Variants in STK36 observed in about 807,000 individuals in gnomAD.
The protein encoded by STK36 is serine/threonine-protein kinase 36.
In STK36, 116 loss-of-function variants were observed where a neutral mutation model predicts 142.2. That is an observed-to-expected ratio of 0.82 (90% CI 0.70 to 0.95). The LOEUF (loss-of-function observed/expected upper bound fraction) is 0.95. STK36 is among the 40% of genes least tolerant of loss of function. The pLI is 0.00. For missense variants in STK36, 1,422 were observed against 1,617.2 expected, an observed-to-expected ratio of 0.88 and a Z score of 2.07; for synonymous variants, 619 against 641.7, an observed-to-expected ratio of 0.96 and a Z score of 0.53.
In STK36 at chr2:218,680,625, T is replaced by C; in HGVS notation, c.1159T>C (p.Cys387Arg). 1.2e-6 allele frequency: 2 copies of C among 1,613,470 alleles called. No homozygotes were observed. Among genetic ancestry groups the C allele is most frequent in the Non-Finnish European group, 1.7e-6 (2 of 1,179,844 alleles). Reference protein sequence around the residue: ...APRENRTTPDCERAFPEERPE... With the variant: ...APRENRTTPDRERAFPEERPE... ...CAGGGAAAACCGGACCACCCCAGAT[T>C]GTGAACGAGCATTCCCAGAGGAGAG... The change falls in exon 10 of 27, where the codon TGT becomes CGT. Residue 387 changes from cysteine to arginine, a missense_variant. By Grantham distance (180) the Cys-to-Arg change is radical (BLOSUM62 -3). Around this residue, in one of 2 missense-constraint regions of STK36, gnomAD observed 962 missense variants for 1,167.5 expected, o/e 0.82. Transcript: ENST00000295709.
intron 5 of STK36, 135 bp from the exon 6 acceptor site, chr2:218,675,894 A>G (rs1575121083): frequency 9.0e-7 from 1 of 1,109,016 alleles, no homozygotes. Context: ...AGAGGCTGGG[A>G]CTGCTGCTGG....
rs953839669 is a variant in STK36 at position 218,672,743 on chromosome 2, G to T, written c.-87G>T. ...TTCCTTTCCCGTGCCCCAACTAGGCGTCCCAGATGTTGTGGAACTGTCCCT... is the reference window on the plus strand; with the variant it reads ...TTCCTTTCCCGTGCCCCAACTAGGCTTCCCAGATGTTGTGGAACTGTCCCT... On this transcript the variant is annotated splice_region_variant and 5_prime_UTR_variant, in exon 2 of 27. Coordinates refer to ENST00000295709, the MANE Select transcript of STK36 (RefSeq NM_015690.5). 2 of 1,347,118 alleles carry T rather than the reference G, an allele frequency of 1.5e-6. No homozygotes were observed. Among genetic ancestry groups the T allele is most frequent in the African/African-American group, 2.9e-5 (2 of 68,806 alleles). 83.4% of individuals were successfully genotyped at this position (1,347,118 alleles called of 1,614,324 possible).
intron 6 of STK36, among the ~76,000 whole-genome samples, chr2:218,676,809 C>T (rs756213821): frequency 2.0e-5 from 3 of 151,268 alleles, no homozygotes; most frequent in African/African-American, 4.9e-5. Flanking sequence ...CCACGACACC[C>T]GGCTAATTTT....
chr2:218,675,363 G>A lies in STK36; in HGVS notation c.324G>A (p.Gln108=). Residue 108 remains glutamine (Q), a synonymous_variant, in exon 5 of 27, where the codon CAG becomes CAA. Transcript: ENST00000295709. The part of the protein sequence containing the change: ...PEDQVQAIAA[Q]LVSALYYLHS... ...TCTAGGTTCAGGCCATTGCTGCCCA[G>A]TTGGTGTCAGCCCTGTACTATCTGC... The A allele has an allele frequency of 6.2e-7, 1 of 1,612,510 alleles. No homozygotes were observed. The highest frequency in any genetic ancestry group is 8.5e-7 in the Non-Finnish European group (1 of 1,179,448).
Position 218,697,565 on chromosome 2 carries a change from T to C in STK36, c.2864T>C (p.Leu955Pro). The change falls in exon 24 of 27, where the codon CTG becomes CCG. Residue 955 changes from leucine (L) to proline (P), a missense_variant. Transcript: ENST00000295709. ...CATGGAAGTATCCTCATGTCCATCC[T>C]GAAGCATCTGCTTTGCCCCAGCTTC... ...SQHGSILMSI[L>P]KHLLCPSFLN... is the part of the protein sequence containing the mutation. The C allele has an allele frequency of 6.2e-7, 1 of 1,614,262 alleles. No individual in the cohort carries two copies. Among genetic ancestry groups the C allele is most frequent in the Non-Finnish European group, 8.5e-7 (1 of 1,180,050 alleles).
At chr2:218,680,425 G>A (rs1940463795) in intron 9 of STK36, among the ~76,000 whole-genome samples, 178 bp from the exon 10 acceptor site, 1 of 152,232 alleles carries the variant, frequency 6.6e-6, no homozygotes, top group African/African-American at 2.4e-5. Context: ...GGATATTTGT[G>A]TAGTCGTCAA....
chr2:218,696,180 A>T (rs1941228186), intron 21 of STK36, among the ~76,000 whole-genome samples: 1 of 152,176 alleles, frequency 6.6e-6, no homozygotes, highest in Non-Finnish European at 1.5e-5. Flanking sequence ...ATAATTTATA[A>T]AACATTTTCA....
Position 218,698,800 on chromosome 2 carries a change from G to T in STK36, c.3256G>T (p.Ala1086Ser), listed in dbSNP as rs1231721643. 1 of 1,614,120 alleles carries T rather than the reference G, an allele frequency of 6.2e-7. No homozygotes were observed. Among genetic ancestry groups the T allele is most frequent in the Non-Finnish European group, 8.5e-7 (1 of 1,180,022 alleles). Reference sequence around the variant, plus strand: ...GACCTCCGACCTTCTCTCTCTGCTGGCCCATACTGCCAGGGTCCTGTCTCC... The same window carrying T: ...GACCTCCGACCTTCTCTCTCTGCTGTCCCATACTGCCAGGGTCCTGTCTCC... ...LLTSDLLSLL[A>S]HTARVLSPSH... is the part of the protein sequence containing the mutation. Residue 1086 changes from alanine (A) to serine (S), a missense_variant, in exon 26 of 27, where the codon GCC becomes TCC. Physicochemically the swap from Ala to Ser is moderately conservative, Grantham distance 99. This residue lies in a region of STK36 where 962 missense variants were observed against 1,167.5 expected (regional missense o/e 0.82). Transcript: ENST00000295709.
Position 218,685,168 on chromosome 2 carries a change from GC to G in STK36, c.1321del (p.Leu441CysfsTer22), listed in dbSNP as rs1223538418. On this transcript the variant is annotated frameshift_variant, in exon 11 of 27. Transcript: ENST00000295709. LOFTEE classifies it high-confidence loss of function. Reference protein sequence around the residue: ...PIQLKAPLTLLCNPDFCQRIQ... With the variant: ...PIQLKAPLTLXCNPDFCQRIQ... ...TTCAACTGAAGGCTCCTCTCACCTT[GC>G]TGTGTAATCCTGACTTCTGCCAGCG... 5.0e-6 allele frequency: 8 copies of G among 1,614,186 alleles called. No homozygotes were observed. The South Asian group carries it at 8.8e-5, about 18-fold the overall frequency.
intron 10 of STK36, among the ~76,000 whole-genome samples, chr2:218,684,542 T>A (rs1341236071): frequency 1.4e-5 from 2 of 144,110 alleles, no homozygotes; most frequent in Non-Finnish European, 3.0e-5. Context: ...TGTGTCAGCC[T>A]CCTGAGTAGC....
Position 218,690,443 on chromosome 2 carries a change from C to G in STK36, c.1659-7C>G. On this transcript the variant is annotated splice_polypyrimidine_tract_variant and splice_region_variant and intron_variant, in intron 13 of 26. Transcript: ENST00000295709. ...TAAGAAATCATGGGCTCATTTTCCA[C>G]CCCCAGCCTGCAGGTGTTTCAGGAG... The G allele has an allele frequency of 6.2e-7, 1 of 1,612,722 alleles. No homozygotes were observed. Among genetic ancestry groups the G allele is most frequent in the Non-Finnish European group, 8.5e-7 (1 of 1,178,790 alleles).
rs142993429 is a variant in STK36 at position 218,684,745 on chromosome 2, C to T, written c.1237-340C>T. 79 of 182,708 alleles carry T rather than the reference C, an allele frequency of 4.3e-4. 1 individual carries two copies. Among genetic ancestry groups the T allele is most frequent in the Middle Eastern group, 4.7e-3 (2 of 430 alleles). The allele number at this position is 182,708 out of a possible 1,614,324, so 11.3% of individuals were successfully genotyped here. A position where few individuals can be genotyped will look rare whatever the true frequency, so the allele number is the denominator to read the frequency against. On this transcript the variant is annotated intron_variant, in intron 10 of 26. Transcript: ENST00000295709. Reference sequence around the variant, plus strand: ...TTCACAATCTTTTTAATAACCTCATCGTATTTTCTAATATGGATGGACCCT... The same window carrying T: ...TTCACAATCTTTTTAATAACCTCATTGTATTTTCTAATATGGATGGACCCT...
Position 218,680,601 on chromosome 2 carries a change from A to G in STK36, c.1137-2A>G, listed in dbSNP as rs1445205694. On this transcript the variant is annotated splice_acceptor_variant, in intron 9 of 26. Coordinates refer to ENST00000295709, the MANE Select transcript of STK36 (RefSeq NM_015690.5). LOFTEE classifies it high-confidence loss of function. ...GTTCTACCCCTTGGCTTCCTCCGGC[A>G]GGGAAAACCGGACCACCCCAGATTG... The G allele has an allele frequency of 1.2e-6, 2 of 1,612,228 alleles. No individual in the cohort carries two copies. The highest frequency in any genetic ancestry group is 1.7e-6 in the Non-Finnish European group (2 of 1,179,384).
At chr2:218,691,704 C>T (rs985751192) in intron 14 of STK36, among the ~76,000 whole-genome samples, 2 of 152,094 alleles carry the variant, frequency 1.3e-5, no homozygotes, top group Non-Finnish European at 2.9e-5. Context: ...TATGGGTGCA[C>T]ACCACCAGAC....
At chr2:218,700,372 T>C (rs1212956106) in intron 26 of STK36, among the ~76,000 whole-genome samples, 3 of 152,002 alleles carry the variant, frequency 2.0e-5, no homozygotes, top group African/African-American at 7.2e-5. Flanking sequence ...CCGGCTAATC[T>C]TTGTATTTTT....
chr2:218,681,802 G>A (rs1278924525), intron 10 of STK36, among the ~76,000 whole-genome samples: 1 of 152,248 alleles, frequency 6.6e-6, no homozygotes, highest in Non-Finnish European at 1.5e-5. Context: ...TGAAGGCAGA[G>A]CCCTTGTGAC....
chr2:218,696,191 CAT>C (rs1042249758), intron 21 of STK36, among the ~76,000 whole-genome samples: 13 of 152,264 alleles, frequency 8.5e-5, no homozygotes, highest in South Asian at 8.3e-4. Flanking sequence ...AACATTTTCA[CAT>C]GTTATCCCAC....
intron 11 of STK36, among the ~76,000 whole-genome samples, chr2:218,686,872 C>T (rs1196277612): frequency 6.6e-6 from 1 of 152,210 alleles, no homozygotes; most frequent in East Asian, 1.9e-4. Flanking sequence ...TACCATTTTA[C>T]ATTCCCACCA....
intron 6 of STK36, among the ~76,000 whole-genome samples, chr2:218,677,198 GC>G (rs1559330068): frequency 6.6e-6 from 1 of 152,230 alleles, no homozygotes; most frequent in Non-Finnish European, 1.5e-5. Flanking sequence ...CTCCCAAAGT[GC>G]TGGGATCATA....
Sources: gnomAD v4.1 joint callset for allele counts (sites outside exome capture counted in the v4.1 genomes callset) on GRCh38, gnomAD v4.1.1 for gene constraint, gnomAD v4.1.1 regional missense constraint, MANE v1.5 for transcripts, NCBI Gene and HGNC (gene_info 2026-07-23, HGNC 2026-07-21) for gene names.